The following GALNT13 variants were observed in gnomAD, a reference collection of about 807,000 sequenced individuals.
The protein encoded by GALNT13 is polypeptide N-acetylgalactosaminyltransferase 13, also known as UDP-GalNAc:polypeptide N-acetylgalactosaminyltransferase 13.
A neutral mutation model predicts 64.2 loss-of-function variants in GALNT13; 28 were observed. The observed-to-expected ratio is 0.44, with a 90% CI of 0.32 to 0.60. The LOEUF is 0.60. Among genes scored for constraint, GALNT13 ranks in the 20% least tolerant of loss-of-function variants. The pLI is 0.05. For missense variants in GALNT13, 577 were observed against 669.8 expected (o/e 0.86, Z 1.53); for synonymous variants, 214 against 224.6 (o/e 0.95, Z 0.42).
rs201141802 is a variant in GALNT13, at chr2:154,189,678, G to GA, written c.311+49184dup. ...CAGATGCAAATTAGAGGTTTACATA[G>GA]AAAAAAAAAAAGAATGATTTGAAAT... On this transcript the variant is annotated intron_variant, in intron 4 of 12. Coordinates refer to ENST00000392825, the MANE Select transcript of GALNT13 (RefSeq NM_052917.4). Among the ~76,000 whole-genome samples the GA allele has an allele frequency of 7.5e-3, 1,059 of 141,910 alleles. 15 individuals are homozygous for GA. Among genetic ancestry groups the GA allele is most frequent in the East Asian group, 0.061 (300 of 4,924 alleles). The allele number at this position is 141,910 out of a possible 152,430, so 93.1% of individuals were successfully genotyped here.
the GALNT13 span, among the ~76,000 whole-genome samples, chr2:153,257,274 G>A: frequency 0.34 from 51,455 of 151,930 alleles, 8,939 homozygotes; most frequent in Middle Eastern, 0.51. Context: ...GACCCCTTGG[G>A]CTTCCCAAGT....
intron 10 of GALNT13, among the ~76,000 whole-genome samples, chr2:154,400,786 T>A (rs2105372556): frequency 6.6e-6 from 1 of 152,268 alleles, no homozygotes; most frequent in Middle Eastern, 3.4e-3. Flanking sequence ...TTTGCAGCAT[T>A]AAATTCTCTC....
In GALNT13 at chr2:154,452,547, A is replaced by G. The variant is rs1319264429; in HGVS notation, c.*1996A>G. ...GTTAGTCAAAATGCATGTTATGTAG[A>G]AAATGGTCAATGGCAAATTTTTATA... On this transcript the variant is annotated 3_prime_UTR_variant, in exon 13 of 13. Coordinates refer to ENST00000392825, the MANE Select transcript of GALNT13 (RefSeq NM_052917.4). 1 of 152,168 alleles carries G rather than the reference A, an allele frequency of 6.6e-6. No individual in the cohort carries two copies. Among genetic ancestry groups the G allele is most frequent in the East Asian group, 1.9e-4 (1 of 5,192 alleles). 9.4% of individuals were successfully genotyped at this position (152,168 alleles called of 1,614,324 possible).
the GALNT13 span, among the ~76,000 whole-genome samples, chr2:153,087,640 C>T: frequency 6.6e-6 from 1 of 151,860 alleles, no homozygotes; most frequent in South Asian, 2.1e-4. Flanking sequence ...TTTTTTATTG[C>T]CATTTCAATT....
intron 9 of GALNT13, among the ~76,000 whole-genome samples, chr2:154,364,096 A>G (rs1446179448): frequency 6.6e-6 from 1 of 152,190 alleles, no homozygotes. Flanking sequence ...CAGAGGTAAG[A>G]TACTGTTGTA....
chr2:154,275,948 C>G (rs986223572), intron 8 of GALNT13, among the ~76,000 whole-genome samples: 6 of 152,166 alleles, frequency 3.9e-5, no homozygotes, highest in Non-Finnish European at 8.8e-5. Context: ...GAAGATCACT[C>G]TGTAACCTTA....
the GALNT13 span, among the ~76,000 whole-genome samples, chr2:153,731,697 A>T: frequency 6.6e-6 from 1 of 151,968 alleles, no homozygotes; most frequent in Non-Finnish European, 1.5e-5. Context: ...GTTATTGCAA[A>T]ACTAAGGTTT....
intron 8 of GALNT13, among the ~76,000 whole-genome samples, chr2:154,295,651 G>T (rs1184864966): frequency 6.6e-6 from 1 of 152,106 alleles, no homozygotes; most frequent in Non-Finnish European, 1.5e-5. Flanking sequence ...AGGATTACAG[G>T]TGTGAGGAAC....
At chr2:153,587,288 C>CA in the GALNT13 span, among the ~76,000 whole-genome samples, 1 of 150,184 alleles carries the variant, frequency 6.7e-6, no homozygotes, top group Non-Finnish European at 1.5e-5. Context: ...AAAATGGGGA[C>CA]AAAACATACC....
intron 4 of GALNT13, among the ~76,000 whole-genome samples, chr2:154,170,450 A>G (rs1029913174): frequency 7.2e-5 from 11 of 152,186 alleles, no homozygotes; most frequent in Middle Eastern, 3.2e-3. Context: ...CACGTTGTTT[A>G]CAGTGACCAT....
the GALNT13 span, among the ~76,000 whole-genome samples, chr2:153,580,039 A>G: frequency 2.0e-5 from 3 of 152,196 alleles, no homozygotes; most frequent in Admixed American, 1.3e-4. Context: ...CACCAGATGA[A>G]GAAAACACCT....
At chr2:153,258,263 A>G in the GALNT13 span, among the ~76,000 whole-genome samples, 3 of 152,190 alleles carry the variant, frequency 2.0e-5, no homozygotes, top group African/African-American at 7.2e-5. Flanking sequence ...ATTTACTTTT[A>G]AATCGAGCTC....
intron 9 of GALNT13, among the ~76,000 whole-genome samples, chr2:154,369,428 T>C (rs1343290341): frequency 6.6e-6 from 1 of 152,152 alleles, no homozygotes; most frequent in Non-Finnish European, 1.5e-5. Context: ...CAGTGTCAGC[T>C]CTCAGGAAAG....
the GALNT13 span, among the ~76,000 whole-genome samples, chr2:153,082,614 TATATACACACAC>T: frequency 1.6e-3 from 51 of 31,290 alleles, no homozygotes; most frequent in South Asian, 3.1e-3. Context: ...TATATATATA[TATATACACACAC>T]ACACACACAC....
At chr2:154,340,792 G>A (rs1695717347) in intron 9 of GALNT13, among the ~76,000 whole-genome samples, 1 of 151,974 alleles carries the variant, frequency 6.6e-6, no homozygotes, top group Non-Finnish European at 1.5e-5. Flanking sequence ...ATCTAATATT[G>A]AACAACTAAT....
chr2:153,769,520 C>T, the GALNT13 span, among the ~76,000 whole-genome samples: 1 of 152,008 alleles, frequency 6.6e-6, no homozygotes, highest in Admixed American at 6.6e-5. Flanking sequence ...TTTTTTCCTT[C>T]CTGTTGACTT....
the GALNT13 span, among the ~76,000 whole-genome samples, chr2:153,624,020 A>G: frequency 2.0e-5 from 3 of 152,222 alleles, no homozygotes; most frequent in Non-Finnish European, 2.9e-5. Flanking sequence ...AACCATGAAC[A>G]TGCCTATATT....
At chr2:153,624,467 G>A in the GALNT13 span, among the ~76,000 whole-genome samples, 1 of 152,016 alleles carries the variant, frequency 6.6e-6, no homozygotes, top group Non-Finnish European at 1.5e-5. Context: ...ATTTGAAGGA[G>A]ATCACTTAAT....
At chr2:153,682,213 G>A in the GALNT13 span, among the ~76,000 whole-genome samples, 1 of 151,664 alleles carries the variant, frequency 6.6e-6, no homozygotes, top group East Asian at 1.9e-4. Context: ...CATATTTATG[G>A]CATTTTTCTA....
Sources: allele counts gnomAD v4.1 joint callset (sites outside exome capture counted in the v4.1 genomes callset), GRCh38; gene constraint gnomAD v4.1.1; transcripts MANE v1.5; gene names NCBI Gene and HGNC (gene_info 2026-07-23, HGNC 2026-07-21).